The following TMEFF2 variants were observed in gnomAD, a reference collection of about 807,000 sequenced individuals.
The protein encoded by TMEFF2 is transmembrane protein with EGF like and two follistatin like domains 2.
Under a neutral mutation model 53.8 loss-of-function variants are expected in TMEFF2, and 28 were observed. That is an observed-to-expected ratio of 0.52 (90% CI 0.39 to 0.71). The LOEUF (loss-of-function observed/expected upper bound fraction) is 0.71. TMEFF2 is among the 30% of genes least tolerant of loss of function. TMEFF2 has a pLI of 0.00. For missense variants in TMEFF2, 353 were observed against 455.2 expected (o/e 0.78, Z 2.04); for synonymous variants, 162 against 166.3 (o/e 0.97, Z 0.20).
intron 4 of TMEFF2, among the ~76,000 whole-genome samples, chr2:192,087,869 G>C (rs1418534038): frequency 2.6e-5 from 4 of 152,072 alleles, no homozygotes; most frequent in Non-Finnish European, 4.4e-5. Context: ...TACGACATTT[G>C]AATATAAAAG....
chr2:192,046,649 A>G lies in TMEFF2; in HGVS notation c.536+11030T>C, dbSNP rs144028060. Reference sequence around the variant, plus strand: ...CTGAATAACCCTGATTAATATACCAATATATTGATCAGTGCAGGGCTTCTT... The same window carrying G: ...CTGAATAACCCTGATTAATATACCAGTATATTGATCAGTGCAGGGCTTCTT... On this transcript the variant is annotated intron_variant, in intron 5 of 9. Coordinates refer to ENST00000272771, the MANE Select transcript of TMEFF2 (RefSeq NM_016192.4). Among the ~76,000 whole-genome samples, 186 of 152,274 alleles carry G rather than the reference A, an allele frequency of 1.2e-3. 1 individual carries two copies. The highest frequency in any genetic ancestry group is 0.01 in the Middle Eastern group (3 of 294).
chr2:192,077,466 C>T (rs1229955190), intron 4 of TMEFF2, among the ~76,000 whole-genome samples: 2 of 152,024 alleles, frequency 1.3e-5, no homozygotes, highest in Non-Finnish European at 2.9e-5. Flanking sequence ...AGTATAATTG[C>T]CCAATGATGC....
chr2:192,169,662 C>T (rs1001138193), intron 4 of TMEFF2, among the ~76,000 whole-genome samples: 1 of 151,962 alleles, frequency 6.6e-6, no homozygotes, highest in Non-Finnish European at 1.5e-5. Context: ...GGCTTTTTTC[C>T]AATGCTATAG....
In TMEFF2 at chr2:192,057,723, A is replaced by G; in HGVS notation, c.492T>C (p.Ile164=). The change falls in exon 5 of 10, where the codon ATT becomes ATC. Residue 164 remains isoleucine, a synonymous_variant. Coordinates refer to ENST00000272771, the MANE Select transcript of TMEFF2 (RefSeq NM_016192.4). Reference sequence around the variant, plus strand: ...CGTCACATTCTGCACCAAACTGGCAAATATCACAGGTGGATGTCTCCTTTT... The same window carrying G: ...CGTCACATTCTGCACCAAACTGGCAGATATCACAGGTGGATGTCTCCTTTT... ...TSQKETSTCD[I]CQFGAECDED... is the part of the protein sequence containing the mutation. 2 of 1,614,054 alleles carry G rather than the reference A, an allele frequency of 1.2e-6. No homozygotes were observed. The highest frequency in any genetic ancestry group is 1.7e-6 in the Non-Finnish European group (2 of 1,179,944).
At position 191,949,736 on chromosome 2, in the gene TMEFF2, A is replaced by G; in HGVS notation, c.*575T>C. 14 of 985,330 alleles carry G rather than the reference A, an allele frequency of 1.4e-5. No individual in the cohort carries two copies. The highest frequency in any genetic ancestry group is 1.6e-5 in the Non-Finnish European group (13 of 829,904). The allele number at this position is 985,330 out of a possible 1,614,324, so 61.0% of individuals were successfully genotyped here. On this transcript the variant is annotated 3_prime_UTR_variant, in exon 10 of 10. Coordinates refer to ENST00000272771, the MANE Select transcript of TMEFF2 (RefSeq NM_016192.4). Reference sequence around the variant, plus strand: ...TGCCAGAGATTTTTCTGCTCTAGGGATGAAAATGGAAGACCAGGGAAGAAA... The same window carrying G: ...TGCCAGAGATTTTTCTGCTCTAGGGGTGAAAATGGAAGACCAGGGAAGAAA...
chr2:192,149,663 A>C lies in TMEFF2; in HGVS notation c.439+30005T>G, dbSNP rs117983748. Among the ~76,000 whole-genome samples the C allele has an allele frequency of 2.7e-4, 41 of 152,098 alleles. No individual in the cohort carries two copies. In the East Asian group the frequency reaches 7.0e-3, roughly 26 times the overall value. On this transcript the variant is annotated intron_variant, in intron 4 of 9. Coordinates refer to ENST00000272771, the MANE Select transcript of TMEFF2 (RefSeq NM_016192.4). ...ACTTACACTATGCACATGAGCTCTA[A>C]ATTAAAGCTTATGGTAATGATAGTA...
chr2:192,040,617 G>T (rs1687450007), intron 5 of TMEFF2, among the ~76,000 whole-genome samples: 1 of 152,062 alleles, frequency 6.6e-6, no homozygotes, highest in Non-Finnish European at 1.5e-5. Context: ...GGACCACTGG[G>T]GACGCTTTGG....
chr2:192,193,852 T>C (rs970981516), intron 1 of TMEFF2, among the ~76,000 whole-genome samples: 1 of 151,740 alleles, frequency 6.6e-6, no homozygotes, highest in African/African-American at 2.4e-5. Context: ...TGTGACCTGG[T>C]CTTCAACGGG....
At chr2:192,153,420 A>T (rs561736106) in intron 4 of TMEFF2, among the ~76,000 whole-genome samples, 132 of 151,954 alleles carry the variant, frequency 8.7e-4, no homozygotes, top group African/African-American at 3.1e-3. Context: ...ATTGATGAGT[A>T]GCCAATTCCC....
In TMEFF2 at chr2:192,127,009, C is replaced by T. The variant is rs1483450738; in HGVS notation, c.439+52659G>A. Among the ~76,000 whole-genome samples, 4 of 152,058 alleles carry T rather than the reference C, an allele frequency of 2.6e-5. No individual in the cohort carries two copies. In the East Asian group the frequency reaches 5.8e-4, roughly 22 times the overall value. ...TTAGAACTGATATTTAATTATGTGC[C>T]AATATAAGAACAGTAAAGCACTCTT... is the stretch of plus-strand genomic sequence containing the variant. On this transcript the variant is annotated intron_variant, in intron 4 of 9. Coordinates refer to ENST00000272771, the MANE Select transcript of TMEFF2 (RefSeq NM_016192.4).
intron 5 of TMEFF2, among the ~76,000 whole-genome samples, chr2:192,052,855 C>T (rs994347855): frequency 6.6e-6 from 1 of 152,166 alleles, no homozygotes; most frequent in South Asian, 2.1e-4. Context: ...TGAAAGATAC[C>T]TCTATTATGA....
intron 4 of TMEFF2, 150 bp downstream of exon 4, chr2:192,179,518 T>A (rs1691134454): frequency 1.4e-6 from 1 of 732,524 alleles, no homozygotes; most frequent in Non-Finnish European, 2.1e-6. Context: ...TACATGTACT[T>A]AATATGGTGA....
At position 192,064,861 on chromosome 2, in the gene TMEFF2, T is replaced by C. The variant is rs547775461; in HGVS notation, c.440-7086A>G. On this transcript the variant is annotated intron_variant, in intron 4 of 9. Coordinates refer to ENST00000272771, the MANE Select transcript of TMEFF2 (RefSeq NM_016192.4). ...ACCAGTTCCAGAAGGAAAAGATACA[T>C]AGAGCACAGCCACAGTTGACTTTAG... Among the ~76,000 whole-genome samples, 10 of 151,992 alleles carry C rather than the reference T, an allele frequency of 6.6e-5. 1 individual carries two copies. The South Asian group carries it at 2.1e-3, about 31-fold the overall frequency.
chr2:192,164,299 C>CTCT (rs1391828196), intron 4 of TMEFF2, among the ~76,000 whole-genome samples: 1 of 152,152 alleles, frequency 6.6e-6, no homozygotes, highest in African/African-American at 2.4e-5. Flanking sequence ...TTGGCCTGTG[C>CTCT]TCTTCCCTTT....
chr2:192,015,308 CTTTTTTTT>C lies in TMEFF2; in HGVS notation c.537-16108_537-16101del, dbSNP rs34696715. On this transcript the variant is annotated intron_variant, in intron 5 of 9. Transcript: ENST00000272771. ...GGCATTCTAGAGGCTATCACTGAAGCTTTTTTTTTTTTTTTTTTTTTTTTGCCAGTCTG... is the reference window on the plus strand; with the variant it reads ...GGCATTCTAGAGGCTATCACTGAAGCTTTTTTTTTTTTTTTTGCCAGTCTG... Among the ~76,000 whole-genome samples the C allele has an allele frequency of 3.8e-4, 29 of 76,276 alleles. No individual in the cohort carries two copies. The South Asian group carries it at 0.014, about 36-fold the overall frequency. The allele number at this position is 76,276 out of a possible 152,430, so 50.0% of individuals were successfully genotyped here. A position where few individuals can be genotyped will look rare whatever the true frequency, so the allele number is the denominator to read the frequency against.
intron 4 of TMEFF2, among the ~76,000 whole-genome samples, chr2:192,059,907 T>G (rs1211116073): frequency 2.0e-5 from 3 of 152,150 alleles, no homozygotes; most frequent in African/African-American, 7.2e-5. Flanking sequence ...AGTATTTCCA[T>G]ATTACTGGAA....
intron 5 of TMEFF2, among the ~76,000 whole-genome samples, chr2:192,002,138 T>C (rs1455977880): frequency 2.6e-5 from 4 of 152,154 alleles, no homozygotes; most frequent in Non-Finnish European, 5.9e-5. Flanking sequence ...GGCCTCCTTT[T>C]AAGATTTGTT....
chr2:192,085,326 A>C (rs1377260698), intron 4 of TMEFF2, among the ~76,000 whole-genome samples: 2 of 152,124 alleles, frequency 1.3e-5, no homozygotes, highest in African/African-American at 4.8e-5. Flanking sequence ...ATTGAGATGG[A>C]ATGCTGGGGA....
chr2:191,987,683 A>G (rs1686012311), intron 7 of TMEFF2, among the ~76,000 whole-genome samples: 1 of 152,186 alleles, frequency 6.6e-6, no homozygotes, highest in Non-Finnish European at 1.5e-5. Context: ...AAGTAACTAA[A>G]TTTAGATGAA....
Sources: gnomAD v4.1 joint callset for allele counts (sites outside exome capture counted in the v4.1 genomes callset) on GRCh38, gnomAD v4.1.1 for gene constraint, MANE v1.5 for transcripts, NCBI Gene and HGNC (gene_info 2026-07-23, HGNC 2026-07-21) for gene names.